DGKB: variants seen among roughly 807,000 people sequenced by gnomAD.
The protein encoded by DGKB is diacylglycerol kinase beta.
DGKB carries 67 observed loss-of-function variants against 114.3 expected under a neutral mutation model. That is an observed-to-expected ratio of 0.59 (90% CI 0.48 to 0.72). The LOEUF (loss-of-function observed/expected upper bound fraction) is 0.72. Among genes scored for constraint, DGKB ranks in the 30% least tolerant of loss-of-function variants. DGKB has a pLI of 0.00. For synonymous variants in DGKB, 398 were observed against 323.1 expected, an observed-to-expected ratio of 1.23 and a Z score of -2.49; for missense variants, 907 against 975.2, an observed-to-expected ratio of 0.93 and a Z score of 0.93.
chr7:14,710,204 T>C (rs972645390), intron 6 of DGKB, among the ~76,000 whole-genome samples: 3 of 152,122 alleles, frequency 2.0e-5, no homozygotes, highest in Non-Finnish European at 4.4e-5. Flanking sequence ...TAATATTTCA[T>C]ATTGTTCTGT....
rs576205206 is a variant in DGKB, at chr7:14,674,035, T to C, written c.1036-1008A>G. Among the ~76,000 whole-genome samples the C allele has an allele frequency of 2.6e-5, 4 of 152,230 alleles. No individual in the cohort carries two copies. In the Middle Eastern group the frequency reaches 0.01, roughly 388 times the overall value. On this transcript the variant is annotated intron_variant, in intron 12 of 25. Transcript: ENST00000402815. The stretch of plus-strand genomic sequence containing the variant: ...TGAGCAGTTAATTATCAACTAAGCA[T>C]AGGAGTCTAATGAGAGTTGATTTAT...
At chr7:14,702,034 G>C (rs1027889757) in intron 6 of DGKB, among the ~76,000 whole-genome samples, 1 of 152,108 alleles carries the variant, frequency 6.6e-6, no homozygotes, top group Admixed American at 6.6e-5. Flanking sequence ...AACTAAAAGA[G>C]AAGAAGTTGA....
chr7:14,973,592 C>A (rs1364171836), intron 1 of DGKB, among the ~76,000 whole-genome samples: 3 of 147,386 alleles, frequency 2.0e-5, no homozygotes, highest in African/African-American at 4.9e-5. Flanking sequence ...AACAACACAC[C>A]CTTCACCAAA....
intron 21 of DGKB, among the ~76,000 whole-genome samples, chr7:14,473,268 A>C (rs1187111285): frequency 1.3e-5 from 2 of 152,180 alleles, no homozygotes; most frequent in Non-Finnish European, 2.9e-5. Context: ...CATGGCTGAA[A>C]GGGGCCAACA....
chr7:14,795,425 ATATTGT>A (rs1841271814), intron 2 of DGKB, among the ~76,000 whole-genome samples: 2 of 152,182 alleles, frequency 1.3e-5, no homozygotes, highest in African/African-American at 4.8e-5. Context: ...GCTTAGGGAT[ATATTGT>A]AATGTTAGGG....
At chr7:14,891,929 A>AT (rs1244557621) in intron 1 of DGKB, among the ~76,000 whole-genome samples, 2 of 151,314 alleles carry the variant, frequency 1.3e-5, no homozygotes, top group African/African-American at 4.8e-5. Context: ...TAGTTTTGTG[A>AT]TTTTCAATAG....
chr7:14,468,774 T>C (rs1402070097), intron 21 of DGKB, among the ~76,000 whole-genome samples: 4 of 152,050 alleles, frequency 2.6e-5, no homozygotes, highest in Admixed American at 2.6e-4. Flanking sequence ...ATTATTCTTG[T>C]AATCTTGTGG....
At chr7:14,677,559 G>T (rs1427498286) in intron 12 of DGKB, among the ~76,000 whole-genome samples, 1 of 151,900 alleles carries the variant, frequency 6.6e-6, no homozygotes, top group Non-Finnish European at 1.5e-5. Flanking sequence ...TTATGAAATA[G>T]GTGTTATTTT....
At chr7:14,698,665 G>A (rs1294850320) in intron 7 of DGKB, among the ~76,000 whole-genome samples, 1 of 152,032 alleles carries the variant, frequency 6.6e-6, no homozygotes, top group African/African-American at 2.4e-5. Flanking sequence ...CAGGGCCAAG[G>A]TTTGCAGGAC....
chr7:14,519,376 T>A (rs1399712892), intron 20 of DGKB, among the ~76,000 whole-genome samples: 1 of 152,116 alleles, frequency 6.6e-6, no homozygotes, highest in Admixed American at 6.6e-5. Flanking sequence ...TTCCTTCACT[T>A]ACTATGATGC....
At chr7:14,869,511 TA>T (rs1400473090) in intron 1 of DGKB, among the ~76,000 whole-genome samples, 1 of 152,194 alleles carries the variant, frequency 6.6e-6, no homozygotes, top group African/African-American at 2.4e-5. Flanking sequence ...GCTATCATGG[TA>T]TTTTTTATTA....
Position 14,836,675 on chromosome 7 carries a change from T to C in DGKB, c.70+4519A>G, listed in dbSNP as rs138203031. 5.2e-3 allele frequency among the ~76,000 whole-genome samples: 797 copies of C among 152,290 alleles called. 8 individuals carry two copies. The highest frequency in any genetic ancestry group is 0.018 in the African/African-American group (733 of 41,566). On this transcript the variant is annotated intron_variant, in intron 2 of 25. Transcript: ENST00000402815. ...ATATCAAGAGTGAGGAAGAAAATTATACTCCTCTCCCACATATCAAGGGAA... is the reference window on the plus strand; with the variant it reads ...ATATCAAGAGTGAGGAAGAAAATTACACTCCTCTCCCACATATCAAGGGAA...
At chr7:14,520,816 A>G (rs1355125485) in intron 20 of DGKB, among the ~76,000 whole-genome samples, 1 of 152,046 alleles carries the variant, frequency 6.6e-6, no homozygotes, top group Non-Finnish European at 1.5e-5. Flanking sequence ...TAGGGTGTTT[A>G]ATAGAAGTCG....
At chr7:14,246,758 G>T (rs1794537511) in intron 23 of DGKB, among the ~76,000 whole-genome samples, 1 of 152,042 alleles carries the variant, frequency 6.6e-6, no homozygotes. Context: ...ATTGTGAAAT[G>T]ATTACCACAA....
At chr7:14,230,043 G>T (rs1426310995) in intron 23 of DGKB, among the ~76,000 whole-genome samples, 1 of 151,972 alleles carries the variant, frequency 6.6e-6, no homozygotes, top group Non-Finnish European at 1.5e-5. Context: ...CTTTGGAAAA[G>T]TCTTGTTGCA....
chr7:14,786,669 C>T (rs1346368070), intron 2 of DGKB, among the ~76,000 whole-genome samples: 7 of 152,198 alleles, frequency 4.6e-5, no homozygotes, highest in South Asian at 2.1e-4. Context: ...CTGTGATTTC[C>T]GAGCAAAGTT....
intron 23 of DGKB, among the ~76,000 whole-genome samples, chr7:14,319,106 G>C (rs1368796076): frequency 6.9e-6 from 1 of 145,550 alleles, no homozygotes; most frequent in Non-Finnish European, 1.5e-5. Context: ...ATGGACACAG[G>C]AAGGGGAACA....
At chr7:14,242,382 G>C (rs1300537757) in intron 23 of DGKB, among the ~76,000 whole-genome samples, 2 of 152,154 alleles carry the variant, frequency 1.3e-5, no homozygotes, top group African/African-American at 4.8e-5. Flanking sequence ...TGAGGTAAGA[G>C]GTCATTCTGC....
chr7:14,573,880 TTTAGC>T (rs1798739071), intron 20 of DGKB, among the ~76,000 whole-genome samples: 1 of 152,024 alleles, frequency 6.6e-6, no homozygotes, highest in Non-Finnish European at 1.5e-5. Context: ...AATATGGAGT[TTTAGC>T]TTATACTCTA....
Sources: gnomAD v4.1 joint callset for allele counts (sites outside exome capture counted in the v4.1 genomes callset) on GRCh38, gnomAD v4.1.1 for gene constraint, MANE v1.5 for transcripts, NCBI Gene and HGNC (gene_info 2026-07-23, HGNC 2026-07-21) for gene names.